SLC5A5: variants seen among roughly 807,000 people sequenced by gnomAD.
The protein encoded by SLC5A5 is sodium/iodide cotransporter.
A neutral mutation model predicts 68.6 loss-of-function variants in SLC5A5; 56 were observed. That is an observed-to-expected ratio of 0.82 (90% confidence interval 0.66 to 1.02). SLC5A5 has a LOEUF of 1.02. Among genes scored for constraint, SLC5A5 ranks in the 50% least tolerant of loss-of-function variants. The pLI, the probability that SLC5A5 is intolerant of heterozygous loss-of-function variation, is 0.00. For synonymous variants in SLC5A5, 398 were observed against 373.0 expected, an observed-to-expected ratio of 1.07 and a Z score of -0.77; for missense variants, 807 against 859.8, an observed-to-expected ratio of 0.94 and a Z score of 0.77.
chr19:17,883,989 C>T lies in SLC5A5; in HGVS notation c.1469C>T (p.Ala490Val). ...CGCTGCGTGGCTCTCTCAGTCAACG[C>T]CTCTGGCCTCCTGGACCCGGCTCTC... ...AARCVALSVN[A>V]SGLLDPALLP... is the part of the protein sequence containing the mutation. The change falls in exon 12 of 15, where the codon GCC (alanine) becomes GTC (valine). Residue 490 changes from alanine to valine, a missense_variant. Ala to Val is a moderately conservative substitution (Grantham distance 64, BLOSUM62 0). Transcript: ENST00000222248. 1 of 1,570,792 alleles carries T rather than the reference C, an allele frequency of 6.4e-7. No homozygotes were observed. Among genetic ancestry groups the T allele is most frequent in the Non-Finnish European group, 8.6e-7 (1 of 1,159,792 alleles).
At position 17,872,457 on chromosome 19, in the gene SLC5A5, C is replaced by T. The variant is rs1243077621; in HGVS notation, c.138C>T (p.Asp46=). Residue 46 remains aspartate (D), a synonymous_variant, in exon 1 of 15, where the codon GAC becomes GAT. Coordinates refer to ENST00000222248, the MANE Select transcript of SLC5A5 (RefSeq NM_000453.3). ...GGGGCGGGCAGCGCAGCGCTGAGGA[C>T]TTCTTCACCGGGGGCCGGCGCCTGG... The part of the protein sequence containing the change: ...LARGGQRSAE[D]FFTGGRRLAA... 1 of 1,610,954 alleles carries T rather than the reference C, an allele frequency of 6.2e-7. No individual in the cohort carries two copies. The highest frequency in any genetic ancestry group is 1.3e-5 in the African/African-American group (1 of 74,898).
At chr19:17,883,802 G>A in intron 11 of SLC5A5, 35 bp downstream of exon 11, 1 of 1,604,868 alleles carries the variant, frequency 6.2e-7, no homozygotes, top group South Asian at 1.1e-5. Flanking sequence ...GGGGAGGGGC[G>A]GGGCCGGACA....
At chr19:17,872,714 T>C (rs1326867598) in intron 1 of SLC5A5, 38 bp downstream of exon 1, 1 of 1,255,736 alleles carries the variant, frequency 8.0e-7, no homozygotes, top group East Asian at 2.3e-5. Flanking sequence ...CCTGCCCCAC[T>C]GGCAGTGCTG....
intron 7 of SLC5A5, among the ~76,000 whole-genome samples, chr19:17,879,250 G>A (rs934440889): frequency 3.9e-5 from 6 of 152,078 alleles, no homozygotes; most frequent in South Asian, 2.1e-4. Flanking sequence ...CTGAGATGGC[G>A]CCATTGCACT....
At chr19:17,890,859 A>G (rs775343274) in intron 13 of SLC5A5, 27 bp from the exon 14 acceptor site, 2 of 1,516,606 alleles carry the variant, frequency 1.3e-6, no homozygotes, top group Non-Finnish European at 1.8e-6. Flanking sequence ...GAATGCCTGG[A>G]TTTCTCCATT....
intron 13 of SLC5A5, among the ~76,000 whole-genome samples, chr19:17,890,228 G>A (rs146266085): frequency 4.5e-4 from 69 of 151,970 alleles, no homozygotes; most frequent in African/African-American, 1.1e-3. Context: ...CCACCCCCAC[G>A]CCTGGCTAAT....
chr19:17,873,607 T>G (rs2094299522), intron 1 of SLC5A5, among the ~76,000 whole-genome samples: 1 of 151,776 alleles, frequency 6.6e-6, no homozygotes, highest in Admixed American at 6.6e-5. Context: ...AATACAAAAA[T>G]TAGCCGGGCA....
At chr19:17,876,602 G>A (rs556590357) in intron 5 of SLC5A5, among the ~76,000 whole-genome samples, 26 of 152,166 alleles carry the variant, frequency 1.7e-4, no homozygotes, top group Admixed American at 4.6e-4. Context: ...GGTGGCTCAC[G>A]CCTGTAATCC....
chr19:17,882,525 T>TTC (rs1232183814), intron 10 of SLC5A5, among the ~76,000 whole-genome samples: 4 of 149,616 alleles, frequency 2.7e-5, no homozygotes, highest in African/African-American at 9.8e-5. Flanking sequence ...TTCTTTTTTT[T>TTC]TTTTTTTTGA....
rs754998846 is a variant in SLC5A5, at chr19:17,880,851, C to A, written c.970-14C>A. ...GTGCAGCTGTCTGGGAGGCTGACCC[C>A]CAGTTCTCCCCAGTACATGCCTCTG... On this transcript the variant is annotated splice_polypyrimidine_tract_variant and intron_variant, in intron 7 of 14. Transcript: ENST00000222248. The A allele has an allele frequency of 1.2e-6, 2 of 1,606,268 alleles. No homozygotes were observed. The highest frequency in any genetic ancestry group is 2.2e-5 in the South Asian group (2 of 90,906).
At chr19:17,883,592 C>T (rs1599924942) in intron 10 of SLC5A5, 89 bp from the exon 11 acceptor site, 1 of 1,051,948 alleles carries the variant, frequency 9.5e-7, no homozygotes, top group Non-Finnish European at 1.5e-6. Flanking sequence ...CATTGGAGTT[C>T]CTGAGGTCTC....
At chr19:17,879,003 C>A (rs941269054) in intron 7 of SLC5A5, among the ~76,000 whole-genome samples, 38 of 137,178 alleles carry the variant, frequency 2.8e-4, no homozygotes, top group African/African-American at 5.8e-4. Context: ...AAAAAAAAAC[C>A]AAAACAAGGC....
Position 17,888,333 on chromosome 19 carries a change from C to T in SLC5A5, c.1529C>T (p.Ser510Leu). The change falls in exon 13 of 15, where the codon TCA becomes TTA. Residue 510 changes from serine to leucine, a missense_variant and splice_region_variant. Transcript: ENST00000222248. ...PANDSSRAPS[S>L]GMDASRPALA... ...AGTCTGTCTCTCCCAACCTGCAGCTCAGGAATGGACGCCAGCCGACCCGCC... is the reference window on the plus strand; with the variant it reads ...AGTCTGTCTCTCCCAACCTGCAGCTTAGGAATGGACGCCAGCCGACCCGCC... The T allele has an allele frequency of 2.5e-6, 4 of 1,613,844 alleles. No individual in the cohort carries two copies. The highest frequency in any genetic ancestry group is 2.5e-6 in the Non-Finnish European group (3 of 1,179,960).
chr19:17,887,789 G>T (rs966341077), intron 12 of SLC5A5, among the ~76,000 whole-genome samples: 4 of 151,212 alleles, frequency 2.6e-5, no homozygotes, highest in Admixed American at 6.6e-5. Context: ...TTTATTTTTA[G>T]TAGAGACAGG....
rs556826656 is a variant in SLC5A5 at position 17,886,957 on chromosome 19, C to T, written c.1527-1374C>T. On this transcript the variant is annotated intron_variant, in intron 12 of 14. Transcript: ENST00000222248. ...GGGCATGGTGGTGCACACTTGTAGT[C>T]CCAGCTCCTTGGGAGGCTGAGGCAA... Among the ~76,000 whole-genome samples the T allele has an allele frequency of 2.6e-5, 4 of 152,134 alleles. No individual in the cohort carries two copies. In the South Asian group the frequency reaches 8.3e-4, roughly 32 times the overall value.
At chr19:17,873,123 C>G (rs1401500977) in intron 1 of SLC5A5, among the ~76,000 whole-genome samples, 1 of 152,184 alleles carries the variant, frequency 6.6e-6, no homozygotes, top group Non-Finnish European at 1.5e-5. Flanking sequence ...GTCCAATGGG[C>G]GAATTACAGG....
chr19:17,888,847 C>T (rs1180367447), intron 13 of SLC5A5, among the ~76,000 whole-genome samples: 2 of 151,184 alleles, frequency 1.3e-5, no homozygotes, highest in African/African-American at 4.8e-5. Context: ...TCTCGAACTC[C>T]TGGGCTCAAG....
rs4808708 is a variant in SLC5A5, at chr19:17,890,877, G to A, written c.1652-9G>A. ...TGCCTGGATTTCTCCATTTCTCCCCGCCTCTCAGGCCCCACCAAGCGCAGC... is the reference window on the plus strand; with the variant it reads ...TGCCTGGATTTCTCCATTTCTCCCCACCTCTCAGGCCCCACCAAGCGCAGC... On this transcript the variant is annotated splice_polypyrimidine_tract_variant and intron_variant, in intron 13 of 14. Coordinates refer to ENST00000222248, the MANE Select transcript of SLC5A5 (RefSeq NM_000453.3). 0.21 allele frequency: 341,213 copies of A among 1,597,824 alleles called. 38,849 individuals are homozygous for A. The highest frequency in any genetic ancestry group is 0.26 in the Middle Eastern group (1,433 of 5,608).
intron 12 of SLC5A5, among the ~76,000 whole-genome samples, chr19:17,885,412 C>T (rs2094331058): frequency 6.6e-6 from 1 of 151,892 alleles, no homozygotes; most frequent in South Asian, 2.1e-4. Context: ...CAGGGTCTCA[C>T]TCTAACACCC....
Sources: gnomAD v4.1 joint callset for allele counts (sites outside exome capture counted in the v4.1 genomes callset) on GRCh38, gnomAD v4.1.1 for gene constraint, MANE v1.5 for transcripts, NCBI Gene and HGNC (gene_info 2026-07-23, HGNC 2026-07-21) for gene names.